SYT6: variants seen among roughly 807,000 people sequenced by gnomAD.
The protein encoded by SYT6 is synaptotagmin-6.
A neutral mutation model predicts 38.4 loss-of-function variants in SYT6; 24 were observed. The ratio of observed to expected loss-of-function variants is 0.62; its 90% CI spans 0.45 to 0.88. SYT6 has a LOEUF of 0.88. SYT6 is among the 40% of genes least tolerant of loss of function. SYT6 has a pLI of 0.00. For missense variants in SYT6, 611 were observed against 621.0 expected, an observed-to-expected ratio of 0.98 and a Z score of 0.17; for synonymous variants, 265 against 241.9, an observed-to-expected ratio of 1.10 and a Z score of -0.89.
intron 3 of SYT6, among the ~76,000 whole-genome samples, chr1:114,111,219 T>C (rs770138340): frequency 1.3e-5 from 2 of 152,222 alleles, no homozygotes; most frequent in Non-Finnish European, 2.9e-5. Context: ...ATAATAACCA[T>C]AACATTGAGT....
chr1:114,124,652 C>A (rs1041577147), intron 3 of SYT6, among the ~76,000 whole-genome samples: 3 of 152,138 alleles, frequency 2.0e-5, no homozygotes, highest in Non-Finnish European at 4.4e-5. Flanking sequence ...GAAGGAAGAG[C>A]CATCGGAGAC....
At position 114,138,942 on chromosome 1, in the gene SYT6, G is replaced by C. The variant is rs148568826; in HGVS notation, c.512+673C>G. On this transcript the variant is annotated intron_variant, in intron 2 of 7. Coordinates refer to ENST00000610222, the MANE Select transcript of SYT6 (RefSeq NM_001253772.2). ...TCGTTCTCTTTTGTTGGTCCCCTGAGGGCCTGGAGAGCCGTTGCAGGGACC... is the reference window on the plus strand; with the variant it reads ...TCGTTCTCTTTTGTTGGTCCCCTGACGGCCTGGAGAGCCGTTGCAGGGACC... 4.7e-3 allele frequency among the ~76,000 whole-genome samples: 709 copies of C among 152,324 alleles called. 7 individuals carry two copies. Among genetic ancestry groups the C allele is most frequent in the African/African-American group, 0.016 (675 of 41,568 alleles).
intron 3 of SYT6, among the ~76,000 whole-genome samples, chr1:114,134,152 G>A (rs1285598428): frequency 1.3e-5 from 2 of 152,112 alleles, no homozygotes; most frequent in Admixed American, 6.6e-5. Flanking sequence ...CGGGTCACAG[G>A]CTCTCTGCTT....
intron 3 of SYT6, among the ~76,000 whole-genome samples, chr1:114,129,838 GT>G (rs397949655): frequency 0.54 from 57,958 of 106,516 alleles, 13,530 homozygotes; most frequent in South Asian, 0.7. Flanking sequence ...CACCACACCT[GT>G]TTTTTTTTTT....
rs768857337 is a variant in SYT6, at chr1:114,097,826, T to C, written c.1416A>G (p.Glu472=). 6.2e-7 allele frequency: 1 copy of C among 1,614,118 alleles called. No individual in the cohort carries two copies. The highest frequency in any genetic ancestry group is 1.1e-5 in the South Asian group (1 of 91,078). The change falls in exon 6 of 8, where the codon GAA becomes GAG. Residue 472 remains glutamate (E), a synonymous_variant. Transcript: ENST00000610222. The part of the protein sequence containing the change: ...IGVCRVGITA[E]GLGRDHWNEM... ...CGTTCCAGTGGTCCCTGCCCAGGCCTTCAGCAGTGATCCCCACACGACAGA... is the reference window on the plus strand; with the variant it reads ...CGTTCCAGTGGTCCCTGCCCAGGCCCTCAGCAGTGATCCCCACACGACAGA...
intron 2 of SYT6, among the ~76,000 whole-genome samples, chr1:114,138,707 T>C (rs1678662365): frequency 6.6e-6 from 1 of 152,262 alleles, no homozygotes; most frequent in Non-Finnish European, 1.5e-5. Flanking sequence ...AGCATAATCA[T>C]AAGCAATATA....
intron 3 of SYT6, among the ~76,000 whole-genome samples, chr1:114,131,557 T>C (rs1678155096): frequency 6.6e-6 from 1 of 152,194 alleles, no homozygotes; most frequent in Non-Finnish European, 1.5e-5. Flanking sequence ...TCCCCAGGTG[T>C]GTGCCTTGTG....
intron 1 of SYT6, among the ~76,000 whole-genome samples, chr1:114,142,776 G>T (rs1386854624): frequency 6.6e-6 from 1 of 152,120 alleles, no homozygotes; most frequent in Non-Finnish European, 1.5e-5. Flanking sequence ...ATCGAAGCAA[G>T]ACCCTCCACC....
At chr1:114,123,986 C>T (rs1677571343) in intron 3 of SYT6, among the ~76,000 whole-genome samples, 1 of 96,258 alleles carries the variant, frequency 1.0e-5, no homozygotes, top group South Asian at 3.6e-4. Context: ...CTGGGGCCTC[C>T]TTCTCATTTT....
chr1:114,109,723 C>T (rs1676558082), intron 3 of SYT6, among the ~76,000 whole-genome samples: 1 of 152,112 alleles, frequency 6.6e-6, no homozygotes, highest in Non-Finnish European at 1.5e-5. Context: ...GTAGGTAGTA[C>T]TGTTTGGTTT....
intron 3 of SYT6, 78 bp from the exon 4 acceptor site, chr1:114,103,799 G>A (rs1258696320): frequency 6.5e-7 from 1 of 1,533,262 alleles, no homozygotes. Flanking sequence ...ATCTGCTGGG[G>A]CGCTCTGGGG....
intron 4 of SYT6, among the ~76,000 whole-genome samples, chr1:114,099,789 C>T (rs1675854010): frequency 6.6e-6 from 1 of 152,130 alleles, no homozygotes; most frequent in Admixed American, 6.5e-5. Context: ...AAATGAACAG[C>T]AACAATCACA....
At chr1:114,130,111 C>T (rs998364619) in intron 3 of SYT6, among the ~76,000 whole-genome samples, 4 of 152,108 alleles carry the variant, frequency 2.6e-5, no homozygotes, top group African/African-American at 7.2e-5. Flanking sequence ...CAAAGGGCAC[C>T]CTCTCAGGGA....
chr1:114,135,455 G>GC (rs1374368591), intron 3 of SYT6, among the ~76,000 whole-genome samples: 1 of 152,156 alleles, frequency 6.6e-6, no homozygotes, highest in African/African-American at 2.4e-5. Context: ...TCAACCCCAT[G>GC]CCTGGCACAG....
rs774732709 is a variant in SYT6 at position 114,094,406 on chromosome 1, C to T, written c.1516-603G>A. On this transcript the variant is annotated intron_variant, in intron 6 of 7. Transcript: ENST00000610222. ...ACATCTCTGGCAGATGATCTGAACC[C>T]GGCCCCCGTAATAAAATGCCTTGGA... is the stretch of plus-strand genomic sequence containing the variant. Among the ~76,000 whole-genome samples the T allele has an allele frequency of 2.8e-4, 42 of 152,168 alleles. 1 individual carries two copies. The highest frequency in any genetic ancestry group is 1.3e-4 in the Non-Finnish European group (9 of 68,028).
Position 114,089,590 on chromosome 1 carries a change from A to G in SYT6, c.*2544T>C, listed in dbSNP as rs1675181602. On this transcript the variant is annotated 3_prime_UTR_variant, in exon 8 of 8. Transcript: ENST00000610222. ...TTCTCCGGCCAGAGAAAGCCAACAA[A>G]TGGATCAACTTTGTATTTCATTTTC... 6.6e-6 allele frequency: 1 copy of G among 152,452 alleles called. No homozygotes were observed. Among genetic ancestry groups the G allele is most frequent in the African/African-American group, 2.4e-5 (1 of 41,580 alleles). The allele number at this position is 152,452 out of a possible 1,614,324, so 9.4% of individuals were successfully genotyped here.
chr1:114,098,490 T>C (rs989420514), intron 5 of SYT6, among the ~76,000 whole-genome samples: 1 of 151,934 alleles, frequency 6.6e-6, no homozygotes, highest in Admixed American at 6.6e-5. Context: ...GCAGGATGAG[T>C]GGAAGAGACG....
At chr1:114,098,952 A>C in intron 5 of SYT6, 142 bp downstream of exon 5, 1 of 786,884 alleles carries the variant, frequency 1.3e-6, no homozygotes, top group South Asian at 2.6e-5. Flanking sequence ...AAACTCCTGC[A>C]CCCTTCTTGG....
chr1:114,090,984 G>A lies in SYT6; in HGVS notation c.*1150C>T, dbSNP rs371370355. 5 of 152,954 alleles carry A rather than the reference G, an allele frequency of 3.3e-5. No individual in the cohort carries two copies. The East Asian group carries it at 7.5e-4, about 23-fold the overall frequency. The allele number at this position is 152,954 out of a possible 1,614,324, so 9.5% of individuals were successfully genotyped here. Reference sequence around the variant, plus strand: ...AGATGAATATTGTCAAAGAGCCAAAGGGGCTGAAATAGGCTTACGCTGACT... The same window carrying A: ...AGATGAATATTGTCAAAGAGCCAAAAGGGCTGAAATAGGCTTACGCTGACT... On this transcript the variant is annotated 3_prime_UTR_variant, in exon 8 of 8. Coordinates refer to ENST00000610222, the MANE Select transcript of SYT6 (RefSeq NM_001253772.2).
Sources: allele counts gnomAD v4.1 joint callset (sites outside exome capture counted in the v4.1 genomes callset), GRCh38; gene constraint gnomAD v4.1.1; transcripts MANE v1.5; gene names NCBI Gene and HGNC (gene_info 2026-07-23, HGNC 2026-07-21).